The following GALNT13 variants were observed in gnomAD, a reference collection of about 807,000 sequenced individuals.
The protein encoded by GALNT13 is UDP-GalNAc:polypeptide N-acetylgalactosaminyltransferase 13.
Under a neutral mutation model 64.2 loss-of-function variants are expected in GALNT13, and 28 were observed. The observed-to-expected ratio is 0.44, with a 90% CI of 0.32 to 0.60. GALNT13 has a LOEUF of 0.60. GALNT13 is among the 20% of genes least tolerant of loss of function. GALNT13 has a pLI of 0.05. For synonymous variants in GALNT13, 214 were observed against 224.6 expected, an observed-to-expected ratio of 0.95 and a Z score of 0.42; for missense variants, 577 against 669.8, an observed-to-expected ratio of 0.86 and a Z score of 1.53.
Position 153,904,090 on chromosome 2 carries a change from A to T in GALNT13, c.-105+3083A>T, listed in dbSNP as rs146308433. 4.0e-3 allele frequency among the ~76,000 whole-genome samples: 615 copies of T among 152,018 alleles called. 3 individuals are homozygous for T. The highest frequency in any genetic ancestry group is 0.014 in the African/African-American group (588 of 41,522). On this transcript the variant is annotated intron_variant, in intron 2 of 12. Coordinates refer to ENST00000392825, the MANE Select transcript of GALNT13 (RefSeq NM_052917.4). ...AATATTCATATGACACACATTCTTC[A>T]GTGTATGGTGTCCTTTTCTGAATGT...
the GALNT13 span, among the ~76,000 whole-genome samples, chr2:153,564,458 T>G: frequency 1.2e-4 from 18 of 152,306 alleles, 1 homozygote; most frequent in Middle Eastern, 3.4e-3. Flanking sequence ...ATAGTAATAT[T>G]GTCTTGAGAA....
At chr2:154,133,564 A>G (rs1218299626) in intron 3 of GALNT13, among the ~76,000 whole-genome samples, 4 of 53,302 alleles carry the variant, frequency 7.5e-5, no homozygotes, top group East Asian at 3.5e-4. Context: ...ATATATATAT[A>G]TATATATATA....
the GALNT13 span, among the ~76,000 whole-genome samples, chr2:153,513,402 T>A: frequency 6.6e-6 from 1 of 152,354 alleles, no homozygotes; most frequent in Admixed American, 6.5e-5. Flanking sequence ...CATCAAATTA[T>A]CAGACTCAAA....
chr2:154,394,752 G>A (rs1315780489), intron 9 of GALNT13, among the ~76,000 whole-genome samples: 1 of 152,172 alleles, frequency 6.6e-6, no homozygotes, highest in African/African-American at 2.4e-5. Flanking sequence ...ATATTTATCT[G>A]TTTAAAAAGC....
At chr2:154,313,746 C>A (rs1694183074) in intron 9 of GALNT13, among the ~76,000 whole-genome samples, 1 of 152,068 alleles carries the variant, frequency 6.6e-6, no homozygotes, top group Admixed American at 6.6e-5. Context: ...AGCCATCATG[C>A]CTGGACCTAG....
At chr2:153,693,459 C>T in the GALNT13 span, among the ~76,000 whole-genome samples, 2 of 151,972 alleles carry the variant, frequency 1.3e-5, no homozygotes, top group Non-Finnish European at 2.9e-5. Flanking sequence ...TTGGGCTAAG[C>T]GGGATCTATA....
the GALNT13 span, among the ~76,000 whole-genome samples, chr2:153,528,324 G>C: frequency 6.6e-6 from 1 of 151,828 alleles, no homozygotes; most frequent in Non-Finnish European, 1.5e-5. Flanking sequence ...ACTATAAGAA[G>C]ATACAAAGAA....
chr2:154,189,039 T>A (rs1198599699), intron 4 of GALNT13, among the ~76,000 whole-genome samples: 2 of 152,130 alleles, frequency 1.3e-5, no homozygotes, highest in Non-Finnish European at 2.9e-5. Context: ...TCCAAAAAAA[T>A]TAAAATTTTT....
the GALNT13 span, among the ~76,000 whole-genome samples, chr2:153,813,099 G>A: frequency 3.4e-3 from 514 of 151,946 alleles, 5 homozygotes; most frequent in African/African-American, 0.012. Flanking sequence ...TCATCTTATT[G>A]TCATTTCTCA....
intron 4 of GALNT13, among the ~76,000 whole-genome samples, chr2:154,151,444 G>A (rs1684017144): frequency 6.6e-6 from 1 of 152,130 alleles, no homozygotes; most frequent in Non-Finnish European, 1.5e-5. Context: ...TGTCTATTAG[G>A]TCCGCTTGGT....
chr2:153,764,054 A>T, the GALNT13 span, among the ~76,000 whole-genome samples: 27 of 152,280 alleles, frequency 1.8e-4, no homozygotes, highest in South Asian at 5.6e-3. Context: ...GATATGGACA[A>T]TGAAGTCCAG....
intron 3 of GALNT13, among the ~76,000 whole-genome samples, chr2:154,098,336 A>T (rs1275116491): frequency 6.6e-6 from 1 of 151,666 alleles, no homozygotes; most frequent in Non-Finnish European, 1.5e-5. Context: ...AACCTTTTGA[A>T]TGGATTATTT....
the GALNT13 span, among the ~76,000 whole-genome samples, chr2:153,567,266 T>C: frequency 9.2e-5 from 14 of 152,294 alleles, no homozygotes; most frequent in Middle Eastern, 3.4e-3. Flanking sequence ...CAGGTTGAGA[T>C]GGTCAAGACG....
intron 3 of GALNT13, among the ~76,000 whole-genome samples, chr2:154,121,252 G>T (rs1574541436): frequency 6.6e-6 from 1 of 152,136 alleles, no homozygotes; most frequent in South Asian, 2.1e-4. Flanking sequence ...AAAGTTGCTA[G>T]GTGAACTTTC....
At chr2:153,339,068 A>G in the GALNT13 span, among the ~76,000 whole-genome samples, 2 of 152,206 alleles carry the variant, frequency 1.3e-5, no homozygotes, top group Admixed American at 1.3e-4. Context: ...GTGTTGAATA[A>G]TGCTGTAATA....
At chr2:153,380,843 G>A in the GALNT13 span, among the ~76,000 whole-genome samples, 1 of 152,066 alleles carries the variant, frequency 6.6e-6, no homozygotes, top group South Asian at 2.1e-4. Context: ...ATTTATGTCA[G>A]GCTTAATCCT....
chr2:153,777,072 G>T, the GALNT13 span, among the ~76,000 whole-genome samples: 1 of 152,002 alleles, frequency 6.6e-6, no homozygotes, highest in Non-Finnish European at 1.5e-5. Flanking sequence ...TAAATTTAAT[G>T]AAGTAGATTG....
intron 8 of GALNT13, among the ~76,000 whole-genome samples, chr2:154,300,282 TA>T (rs1275478667): frequency 1.3e-5 from 2 of 151,978 alleles, no homozygotes; most frequent in Admixed American, 6.6e-5. Flanking sequence ...TTTGTATTTT[TA>T]GTAGAGACGG....
intron 3 of GALNT13, among the ~76,000 whole-genome samples, chr2:154,037,758 A>C (rs1955087): frequency 1.3e-5 from 2 of 152,180 alleles, no homozygotes; most frequent in African/African-American, 4.8e-5. Flanking sequence ...TTTTTTATAA[A>C]AGCCACAGCA....
Sources: gnomAD v4.1 joint callset for allele counts (sites outside exome capture counted in the v4.1 genomes callset) on GRCh38, gnomAD v4.1.1 for gene constraint, MANE v1.5 for transcripts, NCBI Gene and HGNC (gene_info 2026-07-23, HGNC 2026-07-21) for gene names.